The following RNF144B variants were observed in gnomAD, a reference collection of about 807,000 sequenced individuals.
RNF144B encodes the protein E3 ubiquitin-protein ligase RNF144B.
Under a neutral mutation model 40.2 loss-of-function variants are expected in RNF144B, and 25 were observed. The observed-to-expected ratio is 0.62, with a 90% confidence interval of 0.45 to 0.87. The LOEUF is 0.87. Among genes scored for constraint, RNF144B ranks in the 40% least tolerant of loss-of-function variants. The pLI, the probability that RNF144B is intolerant of heterozygous loss-of-function variation, is 0.00. For synonymous variants in RNF144B, 145 were observed against 136.3 expected (o/e 1.06, Z -0.44); for missense variants, 365 against 373.7 (o/e 0.98, Z 0.19).
intron 1 of RNF144B, among the ~76,000 whole-genome samples, chr6:18,391,927 G>A (rs778989860): frequency 2.7e-5 from 4 of 150,172 alleles, no homozygotes; most frequent in Admixed American, 6.7e-5. Context: ...GGCCAGGCGC[G>A]GTGACTTACG....
In RNF144B at chr6:18,443,339, T is replaced by C. The variant is rs527983541; in HGVS notation, c.331+3595T>C. ...TTGCAGTGGCACGAACTCTGCCCAC[T>C]GCAACTTCCGCCTCCTGGGTTCAAG... On this transcript the variant is annotated intron_variant, in intron 4 of 7. Coordinates refer to ENST00000259939, the MANE Select transcript of RNF144B (RefSeq NM_182757.4). The surrounding 1 kb of genome is among the most constrained non-coding windows in gnomAD (Gnocchi z 4.7). Among the ~76,000 whole-genome samples the C allele has an allele frequency of 6.6e-5, 10 of 152,280 alleles. No homozygotes were observed. The highest frequency in any genetic ancestry group is 3.4e-3 in the Middle Eastern group (1 of 294).
At chr6:18,461,718 CA>C in intron 6 of RNF144B, among the ~76,000 whole-genome samples, 1 of 152,216 alleles carries the variant, frequency 6.6e-6, no homozygotes, top group Non-Finnish European at 1.5e-5. Context: ...CAGTTTTAGC[CA>C]GGGGCATTGG....
chr6:18,388,541 C>T (rs1794515347), intron 1 of RNF144B, among the ~76,000 whole-genome samples: 3 of 152,178 alleles, frequency 2.0e-5, no homozygotes, highest in Admixed American at 2.0e-4. Flanking sequence ...GAGTATCTGT[C>T]TGCCGCAGCT....
chr6:18,407,461 A>ACC (rs1344955715), intron 2 of RNF144B, among the ~76,000 whole-genome samples: 3 of 152,236 alleles, frequency 2.0e-5, no homozygotes, highest in African/African-American at 7.2e-5. Flanking sequence ...ATTACTTAGT[A>ACC]CACTGCCAGA....
intron 2 of RNF144B, among the ~76,000 whole-genome samples, chr6:18,421,986 A>G (rs1337513961): frequency 6.6e-6 from 1 of 152,164 alleles, no homozygotes; most frequent in African/African-American, 2.4e-5. Context: ...TTCATGTCCT[A>G]TATGGTTGGC....
rs1225454678 is a variant in RNF144B at position 18,427,627 on chromosome 6, C to T, written c.212C>T (p.Ser71Phe). 2 of 1,613,738 alleles carry T rather than the reference C, an allele frequency of 1.2e-6. No homozygotes were observed. Among genetic ancestry groups the T allele is most frequent in the Admixed American group, 1.7e-5 (1 of 59,958 alleles). ...MQLAIREGCG[S>F]PITCPDMVCL... Reference sequence around the variant, plus strand: ...CTGGCAATCCGAGAAGGATGTGGGTCTCCCATCACTTGCCCTGACATGGTG... The same window carrying T: ...CTGGCAATCCGAGAAGGATGTGGGTTTCCCATCACTTGCCCTGACATGGTG... The change falls in exon 3 of 8, where the codon TCT becomes TTT. Residue 71 changes from serine to phenylalanine, a missense_variant. By Grantham distance (155) the Ser-to-Phe change is radical. Transcript: ENST00000259939.
Position 18,448,811 on chromosome 6 carries a change from C to T in RNF144B, c.332-8344C>T, listed in dbSNP as rs1039170356. Among the ~76,000 whole-genome samples, 2 of 152,002 alleles carry T rather than the reference C, an allele frequency of 1.3e-5. No individual in the cohort carries two copies. The highest frequency in any genetic ancestry group is 2.9e-5 in the Non-Finnish European group (2 of 68,014). On this transcript the variant is annotated intron_variant, in intron 4 of 7. Coordinates refer to ENST00000259939, the MANE Select transcript of RNF144B (RefSeq NM_182757.4). The surrounding 1 kb of genome is among the most constrained non-coding windows in gnomAD (Gnocchi z 4.0). Reference sequence around the variant, plus strand: ...TAATCTGTTTCATTTTTATGCTGGTCACAACCTATTAAACTGATACCTCAA... The same window carrying T: ...TAATCTGTTTCATTTTTATGCTGGTTACAACCTATTAAACTGATACCTCAA...
intron 2 of RNF144B, among the ~76,000 whole-genome samples, chr6:18,407,745 G>C (rs1794942056): frequency 6.6e-6 from 1 of 152,006 alleles, no homozygotes; most frequent in Admixed American, 6.6e-5. Flanking sequence ...CATATTATTT[G>C]AATGAAGGTT....
At chr6:18,408,702 T>TGTAG (rs1455616392) in intron 2 of RNF144B, among the ~76,000 whole-genome samples, 2 of 152,120 alleles carry the variant, frequency 1.3e-5, no homozygotes, top group Non-Finnish European at 2.9e-5. Flanking sequence ...CCTGTTGGAA[T>TGTAG]GTAGGGCCAG....
In RNF144B at chr6:18,441,558, T is replaced by C. The variant is rs1758965497; in HGVS notation, c.331+1814T>C. Among the ~76,000 whole-genome samples, 1 of 151,144 alleles carries C rather than the reference T, an allele frequency of 6.6e-6. No homozygotes were observed. Among genetic ancestry groups the C allele is most frequent in the Non-Finnish European group, 1.5e-5 (1 of 67,602 alleles). On this transcript the variant is annotated intron_variant, in intron 4 of 7. Coordinates refer to ENST00000259939, the MANE Select transcript of RNF144B (RefSeq NM_182757.4). This position sits in a 1 kb window ranked among gnomAD's most constrained non-coding sequence, Gnocchi z 4.9. ...AATTGTTTACATTTTAGGTAACATA[T>C]CTGTTAGCTCAAATGTCTTTTTTGT...
rs1018525645 is a variant in RNF144B, at chr6:18,450,321, G to A, written c.332-6834G>A. ...GCTTGCCAGTTTTTTTTTTTTAGATGGAGTCTTGCTCTGTCACCCAGGCTG... is the reference window on the plus strand; with the variant it reads ...GCTTGCCAGTTTTTTTTTTTTAGATAGAGTCTTGCTCTGTCACCCAGGCTG... On this transcript the variant is annotated intron_variant, in intron 4 of 7. Transcript: ENST00000259939. The surrounding 1 kb of genome is among the most constrained non-coding windows in gnomAD (Gnocchi z 4.7). Among the ~76,000 whole-genome samples, 1 of 150,714 alleles carries A rather than the reference G, an allele frequency of 6.6e-6. No individual in the cohort carries two copies. The highest frequency in any genetic ancestry group is 2.4e-5 in the African/African-American group (1 of 41,112).
chr6:18,465,063 C>T lies in RNF144B; in HGVS notation c.908C>T (p.Thr303Ile). ...GKKKKHDPST[T>I] ...AAGAAAAAGCACGACCCATCCACAA[C>T]CTAAAGATCTCTGTGTTCATACGCC... is the stretch of plus-strand genomic sequence containing the variant. Residue 303 changes from threonine (T) to isoleucine (I), a missense_variant, in exon 8 of 8, where the codon ACC becomes ATC. Transcript: ENST00000259939. 1 of 1,613,504 alleles carries T rather than the reference C, an allele frequency of 6.2e-7. No individual in the cohort carries two copies. The highest frequency in any genetic ancestry group is 8.5e-7 in the Non-Finnish European group (1 of 1,179,772).
Position 18,463,272 on chromosome 6 carries a change from C to G in RNF144B, c.682-19C>G. 1 of 1,483,402 alleles carries G rather than the reference C, an allele frequency of 6.7e-7. No homozygotes were observed. The highest frequency in any genetic ancestry group is 2.3e-5 in the East Asian group (1 of 44,262). 91.9% of individuals were successfully genotyped at this position (1,483,402 alleles called of 1,614,324 possible). On this transcript the variant is annotated intron_variant, in intron 6 of 7. Coordinates refer to ENST00000259939, the MANE Select transcript of RNF144B (RefSeq NM_182757.4). ...TTTAAAACTGCATATTTACTGAAAT[C>G]AATCTTTTTATTTTTCAGAATGACA... is the stretch of plus-strand genomic sequence containing the variant.
intron 2 of RNF144B, among the ~76,000 whole-genome samples, chr6:18,415,205 G>A (rs1301065436): frequency 1.3e-5 from 2 of 152,074 alleles, no homozygotes; most frequent in Non-Finnish European, 2.9e-5. Context: ...CTGAGGACGG[G>A]GGGCTGACCG....
Position 18,464,751 on chromosome 6 carries a change from A to T in RNF144B, c.772-176A>T, listed in dbSNP as rs1332283520. Among the ~76,000 whole-genome samples the T allele has an allele frequency of 2.0e-5, 3 of 152,196 alleles. No individual in the cohort carries two copies. Among genetic ancestry groups the T allele is most frequent in the African/African-American group, 7.2e-5 (3 of 41,464 alleles). On this transcript the variant is annotated intron_variant, in intron 7 of 7. Coordinates refer to ENST00000259939, the MANE Select transcript of RNF144B (RefSeq NM_182757.4). This position sits in a 1 kb window ranked among gnomAD's most constrained non-coding sequence, Gnocchi z 6.1. ...ATGAGGGCCCTGCCCTCATAAACCA[A>T]CTAACTTCTAAAGGCCTCGTCTCCA...
chr6:18,446,783 G>T lies in RNF144B; in HGVS notation c.331+7039G>T, dbSNP rs957643908. The stretch of plus-strand genomic sequence containing the variant: ...CTGGCAGCTAGTGGGTAGACGCCAG[G>T]GATGCTGCTCAACATCTAATGCATC... On this transcript the variant is annotated intron_variant, in intron 4 of 7. Transcript: ENST00000259939. This position sits in a 1 kb window ranked among gnomAD's most constrained non-coding sequence, Gnocchi z 4.7. 3.3e-5 allele frequency among the ~76,000 whole-genome samples: 5 copies of T among 151,746 alleles called. No homozygotes were observed. The highest frequency in any genetic ancestry group is 1.2e-4 in the African/African-American group (5 of 41,266).
At position 18,422,789 on chromosome 6, in the gene RNF144B, C is replaced by T. The variant is rs1229799038; in HGVS notation, c.166-4792C>T. ...CCAGCCTGCTTGGGCAACATAGACC[C>T]AATTTCAATCAATCAATCAATAGTC... On this transcript the variant is annotated intron_variant, in intron 2 of 7. Transcript: ENST00000259939. This position sits in a 1 kb window ranked among gnomAD's most constrained non-coding sequence, Gnocchi z 4.7. 6.6e-6 allele frequency among the ~76,000 whole-genome samples: 1 copy of T among 152,024 alleles called. No individual in the cohort carries two copies. Among genetic ancestry groups the T allele is most frequent in the South Asian group, 2.1e-4 (1 of 4,822 alleles).
intron 1 of RNF144B, among the ~76,000 whole-genome samples, chr6:18,390,212 C>T (rs758755685): frequency 6.6e-5 from 10 of 152,106 alleles, no homozygotes; most frequent in Admixed American, 2.0e-4. Context: ...GTTACCTTGA[C>T]CATTTGACCA....
chr6:18,403,390 A>G (rs560922395), intron 2 of RNF144B, among the ~76,000 whole-genome samples: 1 of 152,380 alleles, frequency 6.6e-6, no homozygotes, highest in South Asian at 2.1e-4. Context: ...TCACCTGAAA[A>G]GAGTCGGTAT....
Sources: allele counts gnomAD v4.1 joint callset (sites outside exome capture counted in the v4.1 genomes callset), GRCh38; gene constraint gnomAD v4.1.1; non-coding constraint Gnocchi (gnomAD v3.1); transcripts MANE v1.5; gene names NCBI Gene and HGNC (gene_info 2026-07-23, HGNC 2026-07-21).